SGSM1: variants seen among roughly 807,000 people sequenced by gnomAD.
SGSM1 encodes the protein small G protein signaling modulator 1, also known as RUN and TBC1 domain containing 2.
SGSM1 carries 73 observed loss-of-function variants against 133.8 expected under a neutral mutation model. That is an observed-to-expected ratio of 0.55 (90% CI 0.45 to 0.66). The LOEUF is 0.66. Among genes scored for constraint, SGSM1 ranks in the 30% least tolerant of loss-of-function variants. The probability of loss-of-function intolerance (pLI) is 0.00; values close to 1 mark genes in which losing one functional copy is unlikely to be tolerated. For missense variants in SGSM1, 1,213 were observed against 1,448.1 expected (o/e 0.84, Z 2.64); for synonymous variants, 563 against 573.0 (o/e 0.98, Z 0.25).
chr22:24,922,073 G>A (rs185702889), intron 24 of SGSM1, among the ~76,000 whole-genome samples: 1 of 151,890 alleles, frequency 6.6e-6, no homozygotes, highest in African/African-American at 2.4e-5. Flanking sequence ...CTAATGGGGT[G>A]TATGCACCCA....
chr22:24,913,120 T>A (rs1933693235), intron 22 of SGSM1, among the ~76,000 whole-genome samples: 1 of 151,616 alleles, frequency 6.6e-6, no homozygotes, highest in African/African-American at 2.4e-5. Context: ...TGAAACCCCA[T>A]CTCTACTAAA....
chr22:24,893,620 G>A lies in SGSM1; in HGVS notation c.1953+7G>A, dbSNP rs367876699. ...CTCAACCATCAGCAATGAGGTGATG[G>A]GCGGCTGGCCTCGGGGAGCGCGGGG... On this transcript the variant is annotated splice_region_variant and intron_variant, in intron 17 of 24. Coordinates refer to ENST00000400358, the MANE Select transcript of SGSM1 (RefSeq NM_001098497.3). 3.6e-5 allele frequency: 56 copies of A among 1,553,582 alleles called. No homozygotes were observed. In the African/African-American group the frequency reaches 7.5e-4, roughly 21 times the overall value.
At position 24,868,515 on chromosome 22, in the gene SGSM1, G is replaced by C. The variant is rs200550123; in HGVS notation, c.1134G>C (p.Pro378=). 6.2e-7 allele frequency: 1 copy of C among 1,613,766 alleles called. No homozygotes were observed. The highest frequency in any genetic ancestry group is 8.5e-7 in the Non-Finnish European group (1 of 1,179,890). ...TGCTCCCACATGGGCAGTTGGACCC[G>C]CCACTGTGGTCCCAGAGGGGTAAGG... ...NGLLPHGQLD[P]PLWSQRGKGK... Residue 378 remains proline, a synonymous_variant, in exon 11 of 25, where the codon CCG becomes CCC. Coordinates refer to ENST00000400358, the MANE Select transcript of SGSM1 (RefSeq NM_001098497.3).
At chr22:24,893,652 G>T in intron 17 of SGSM1, 39 bp downstream of exon 17, 1 of 1,513,986 alleles carries the variant, frequency 6.6e-7, no homozygotes, top group Non-Finnish European at 8.8e-7. Context: ...GGGGGCTGGG[G>T]AAGGTCAGGG....
chr22:24,831,615 C>T (rs1021649879), intron 2 of SGSM1, among the ~76,000 whole-genome samples: 2 of 152,184 alleles, frequency 1.3e-5, no homozygotes, highest in Admixed American at 6.5e-5. Context: ...CCCTCCTCTG[C>T]CCTTTCTTCC....
At chr22:24,917,466 A>G (rs1933860164) in intron 22 of SGSM1, among the ~76,000 whole-genome samples, 192 bp from the exon 23 acceptor site, 1 of 152,202 alleles carries the variant, frequency 6.6e-6, no homozygotes, top group African/African-American at 2.4e-5. Context: ...AGCATCTTTC[A>G]TATGCCGCTT....
chr22:24,909,364 C>T (rs765735180), intron 21 of SGSM1, among the ~76,000 whole-genome samples: 4 of 152,066 alleles, frequency 2.6e-5, no homozygotes, highest in Non-Finnish European at 5.9e-5. Flanking sequence ...TAGAAAATCA[C>T]GGGTTGATAA....
intron 16 of SGSM1, among the ~76,000 whole-genome samples, chr22:24,889,552 G>C (rs535451338): frequency 6.6e-6 from 1 of 151,784 alleles, no homozygotes; most frequent in East Asian, 1.9e-4. Flanking sequence ...TGGGATTATA[G>C]GCATGCGCCA....
rs1927363354 is a variant in SGSM1, at chr22:24,806,238, G to A, written c.-88G>A. 3 of 1,300,846 alleles carry A rather than the reference G, an allele frequency of 2.3e-6. No individual in the cohort carries two copies. The highest frequency in any genetic ancestry group is 2.9e-6 in the Non-Finnish European group (3 of 1,030,820). 80.6% of individuals were successfully genotyped at this position (1,300,846 alleles called of 1,614,324 possible). Reference sequence around the variant, plus strand: ...TCAGCGCTCGGCCCCGCCCCGCCGCGGCTGCAGCAGCAGCGCCGCGGCCGG... The same window carrying A: ...TCAGCGCTCGGCCCCGCCCCGCCGCAGCTGCAGCAGCAGCGCCGCGGCCGG... On this transcript the variant is annotated 5_prime_UTR_variant, in exon 1 of 25. Transcript: ENST00000400358.
At chr22:24,874,610 G>A in intron 12 of SGSM1, 1 of 1,547,360 alleles carries the variant, frequency 6.5e-7, no homozygotes, top group African/African-American at 1.4e-5. Context: ...GTCCCCAGGG[G>A]CTGGGTGCCA....
chr22:24,837,613 G>A lies in SGSM1; in HGVS notation c.64-7284G>A, dbSNP rs567365539. Among the ~76,000 whole-genome samples the A allele has an allele frequency of 7.2e-5, 10 of 139,722 alleles. No individual in the cohort carries two copies. The East Asian group carries it at 8.6e-4, about 12-fold the overall frequency. The allele number at this position is 139,722 out of a possible 152,430, so 91.7% of individuals were successfully genotyped here. On this transcript the variant is annotated intron_variant, in intron 2 of 24. Coordinates refer to ENST00000400358, the MANE Select transcript of SGSM1 (RefSeq NM_001098497.3). ...CCCCTTTCCCAGTCTGCTAAGTAGC[G>A]GGTGTTGTTCCTTGACACCTTTTGC...
intron 2 of SGSM1, among the ~76,000 whole-genome samples, chr22:24,826,727 C>T (rs1928820563): frequency 1.3e-5 from 2 of 152,104 alleles, no homozygotes; most frequent in Admixed American, 1.3e-4. Flanking sequence ...ATCAGGGAGG[C>T]TCTCTGAGGG....
intron 2 of SGSM1, among the ~76,000 whole-genome samples, chr22:24,841,098 C>G (rs928589114): frequency 1.3e-5 from 2 of 152,194 alleles, no homozygotes; most frequent in African/African-American, 2.4e-5. Flanking sequence ...GATCCGCCCG[C>G]CTTGGCCTCC....
At chr22:24,903,516 C>T (rs1432611386) in intron 20 of SGSM1, among the ~76,000 whole-genome samples, 2 of 152,050 alleles carry the variant, frequency 1.3e-5, no homozygotes, top group Non-Finnish European at 1.5e-5. Flanking sequence ...CCTGAATGTA[C>T]ATATTTTTTA....
chr22:24,818,656 C>T (rs891091941), intron 2 of SGSM1, among the ~76,000 whole-genome samples: 9 of 151,602 alleles, frequency 5.9e-5, no homozygotes, highest in Admixed American at 2.0e-4. Flanking sequence ...TGTGAGCCAC[C>T]GTGCCCAGGC....
At chr22:24,868,999 G>T in intron 12 of SGSM1, 144 bp downstream of exon 12, 1 of 1,263,968 alleles carries the variant, frequency 7.9e-7, no homozygotes, top group Non-Finnish European at 1.1e-6. Flanking sequence ...TTTCTTGGCA[G>T]CCTCAGTTTC....
At chr22:24,810,303 C>T (rs538872495) in intron 2 of SGSM1, among the ~76,000 whole-genome samples, 9 of 152,152 alleles carry the variant, frequency 5.9e-5, no homozygotes, top group African/African-American at 1.9e-4. Flanking sequence ...TGCGAGAACA[C>T]CCACCACGTT....
intron 15 of SGSM1, among the ~76,000 whole-genome samples, chr22:24,885,480 C>G (rs1270416232): frequency 6.7e-6 from 1 of 148,530 alleles, no homozygotes; most frequent in African/African-American, 2.5e-5. Context: ...GCTCTGTCAC[C>G]CGGGCTGGAG....
chr22:24,834,779 G>A (rs1482486116), intron 2 of SGSM1, among the ~76,000 whole-genome samples: 1 of 146,160 alleles, frequency 6.8e-6, no homozygotes, highest in African/African-American at 2.5e-5. Context: ...TTTTTATTGT[G>A]ACGGAGTTTC....
Sources: allele counts gnomAD v4.1 joint callset (sites outside exome capture counted in the v4.1 genomes callset), GRCh38; gene constraint gnomAD v4.1.1; transcripts MANE v1.5; gene names NCBI Gene and HGNC (gene_info 2026-07-23, HGNC 2026-07-21).